RSF1: variants seen among roughly 807,000 people sequenced by gnomAD.
RSF1 encodes the protein remodeling and spacing factor 1.
A neutral mutation model predicts 145.2 loss-of-function variants in RSF1; 13 were observed. That is an observed-to-expected ratio of 0.09 (90% confidence interval 0.06 to 0.14). The LOEUF is 0.14. RSF1 is among the 10% of genes least tolerant of loss of function. The pLI, the probability that RSF1 is intolerant of heterozygous loss-of-function variation, is 1.00. For missense variants in RSF1, 1,517 were observed against 1,718.2 expected, an observed-to-expected ratio of 0.88 and a Z score of 2.07; for synonymous variants, 577 against 592.6, an observed-to-expected ratio of 0.97 and a Z score of 0.38.
At chr11:77,724,895 C>T (rs1228975701) in intron 5 of RSF1, among the ~76,000 whole-genome samples, 1 of 152,196 alleles carries the variant, frequency 6.6e-6, no homozygotes, top group Non-Finnish European at 1.5e-5. Context: ...TAACAGGTTA[C>T]AGACTGGTAC....
intron 1 of RSF1, among the ~76,000 whole-genome samples, chr11:77,799,539 A>G (rs1294137532): frequency 1.3e-5 from 2 of 151,656 alleles, no homozygotes; most frequent in Non-Finnish European, 2.9e-5. Flanking sequence ...ATATGAATAG[A>G]CAATATTGTG....
At chr11:77,678,179 A>T in intron 11 of RSF1, 26 bp from the exon 12 acceptor site, 4 of 1,256,782 alleles carry the variant, frequency 3.2e-6, no homozygotes, top group Non-Finnish European at 4.4e-6. Flanking sequence ...TGATCACATT[A>T]TAGCCTGTCC....
the RSF1 span, among the ~76,000 whole-genome samples, chr11:77,835,784 G>A: frequency 6.6e-6 from 1 of 152,096 alleles, no homozygotes; most frequent in African/African-American, 2.4e-5. Flanking sequence ...AACCAGGCGT[G>A]GTGGCATGTA....
chr11:77,850,327 T>A, the RSF1 span, among the ~76,000 whole-genome samples: 2 of 152,164 alleles, frequency 1.3e-5, no homozygotes, highest in Non-Finnish European at 2.9e-5. Flanking sequence ...AATATAACTT[T>A]TCCAGGGTCA....
chr11:77,672,593 A>T (rs1174353546), intron 14 of RSF1, among the ~76,000 whole-genome samples: 1 of 151,052 alleles, frequency 6.6e-6, no homozygotes, highest in Non-Finnish European at 1.5e-5. Flanking sequence ...AAAAAAAAAA[A>T]TGACTCAATC....
Position 77,681,150 on chromosome 11 carries a change from T to A in RSF1, c.3065+2560A>T, listed in dbSNP as rs145373055. ...GAGCTTCAGATAAAAGATTTCTGAA[T>A]ACAACACTCCATGTATCTATAGTCC... On this transcript the variant is annotated intron_variant, in intron 11 of 15. Transcript: ENST00000308488. Among the ~76,000 whole-genome samples, 438 of 152,372 alleles carry A rather than the reference T, an allele frequency of 2.9e-3. 5 individuals are homozygous for A. Among genetic ancestry groups the A allele is most frequent in the African/African-American group, 0.01 (421 of 41,586 alleles).
chr11:77,762,069 A>C (rs1948181491), intron 2 of RSF1: 2 of 83,676 alleles, frequency 2.4e-5, no homozygotes, highest in African/African-American at 5.6e-5. Flanking sequence ...GGATTTTGCC[A>C]TGTTGCCCAG....
rs930071214 is a variant in RSF1, at chr11:77,701,800, C to G, written c.1429G>C (p.Asp477His). 1 of 1,614,014 alleles carries G rather than the reference C, an allele frequency of 6.2e-7. No individual in the cohort carries two copies. The highest frequency in any genetic ancestry group is 1.6e-4 in the Middle Eastern group (1 of 6,062). Residue 477 changes from aspartate (D) to histidine (H), a missense_variant, in exon 6 of 16, where the codon GAC (aspartate) becomes CAC (histidine). Transcript: ENST00000308488. ...TTTCCCTCCGTGATGATATTTCTGTCCTTAGAGGGGCTATAGCTCTCTTCC... is the reference window on the plus strand; with the variant it reads ...TTTCCCTCCGTGATGATATTTCTGTGCTTAGAGGGGCTATAGCTCTCTTCC... ...TKEESYSPSK[D>H]RNIITEGNGT...
intron 9 of RSF1, among the ~76,000 whole-genome samples, chr11:77,685,533 C>A (rs574822812): frequency 6.6e-6 from 1 of 152,236 alleles, no homozygotes; most frequent in East Asian, 1.9e-4. Context: ...TGGCCTCAAG[C>A]GATCCACCCA....
the RSF1 span, among the ~76,000 whole-genome samples, chr11:77,833,251 A>C: frequency 4.5e-4 from 69 of 151,902 alleles, 2 homozygotes; most frequent in African/African-American, 1.6e-3. Context: ...ATTACATTGT[A>C]GTATATAATG....
At chr11:77,782,002 T>A (rs1948409212) in intron 1 of RSF1, among the ~76,000 whole-genome samples, 1 of 152,258 alleles carries the variant, frequency 6.6e-6, no homozygotes, top group African/African-American at 2.4e-5. Context: ...TATAGCTGTC[T>A]CATTTTCTGA....
chr11:77,694,542 T>G (rs1167818083), intron 7 of RSF1, among the ~76,000 whole-genome samples: 2 of 152,190 alleles, frequency 1.3e-5, no homozygotes, highest in Non-Finnish European at 2.9e-5. Flanking sequence ...AAAAGAAAAC[T>G]TTTTACTTTT....
chr11:77,830,890 C>T, the RSF1 span, among the ~76,000 whole-genome samples: 1 of 151,006 alleles, frequency 6.6e-6, no homozygotes, highest in East Asian at 1.9e-4. Flanking sequence ...CCTGTAATCC[C>T]ATCACTTTGG....
chr11:77,862,569 C>T, the RSF1 span, among the ~76,000 whole-genome samples: 5 of 152,150 alleles, frequency 3.3e-5, no homozygotes, highest in South Asian at 4.1e-4. Context: ...CCTTTTGGAT[C>T]GTTTAGGTTG....
In RSF1 at chr11:77,701,008, T is replaced by C; in HGVS notation, c.2221A>G (p.Ser741Gly). Residue 741 changes from serine (S) to glycine (G), a missense_variant, in exon 6 of 16, where the codon AGT becomes GGT. Coordinates refer to ENST00000308488, the MANE Select transcript of RSF1 (RefSeq NM_016578.4). Reference sequence around the variant, plus strand: ...GGAGAATCGGGCTTCTTTTTCCGACTTGATATCCTGATTGTTAATTTGATG... The same window carrying C: ...GGAGAATCGGGCTTCTTTTTCCGACCTGATATCCTGATTGTTAATTTGATG... The part of the protein sequence containing the change: ...EGIKLTIRIS[S>G]RKKKPDSPPK... 6.2e-7 allele frequency: 1 copy of C among 1,613,818 alleles called. No homozygotes were observed. Among genetic ancestry groups the C allele is most frequent in the Non-Finnish European group, 8.5e-7 (1 of 1,180,026 alleles).
chr11:77,777,740 C>A (rs567829990), intron 1 of RSF1, among the ~76,000 whole-genome samples: 11 of 152,132 alleles, frequency 7.2e-5, no homozygotes, highest in African/African-American at 2.6e-4. Context: ...ATCCTAGCTA[C>A]TCGAGAGACT....
chr11:77,706,221 CAG>C (rs1960545837), intron 5 of RSF1, among the ~76,000 whole-genome samples: 2 of 132,928 alleles, frequency 1.5e-5, no homozygotes, highest in African/African-American at 5.8e-5. Context: ...AGCCTGGCGA[CAG>C]AGTGAGACTC....
At chr11:77,842,344 AAGAAG>A in the RSF1 span, 1 of 827,964 alleles carries the variant, frequency 1.2e-6, no homozygotes, top group Middle Eastern at 3.7e-4. Context: ...TAGACCTCTA[AAGAAG>A]AAGTAACAAC....
intron 11 of RSF1, among the ~76,000 whole-genome samples, chr11:77,683,240 G>A (rs931302527): frequency 2.0e-5 from 3 of 152,106 alleles, no homozygotes; most frequent in Admixed American, 6.5e-5. Context: ...GCAGTGAGCC[G>A]AGATGGTGCC....
Sources: allele counts gnomAD v4.1 joint callset (sites outside exome capture counted in the v4.1 genomes callset), GRCh38; gene constraint gnomAD v4.1.1; transcripts MANE v1.5; gene names NCBI Gene and HGNC (gene_info 2026-07-23, HGNC 2026-07-21).